The following VWC2L variants were observed in gnomAD, a reference collection of about 807,000 sequenced individuals.
VWC2L encodes the protein von Willebrand factor C domain-containing protein 2-like.
In VWC2L, 10 loss-of-function variants were observed where a neutral mutation model predicts 21.6. The ratio of observed to expected loss-of-function variants is 0.46; its 90% CI spans 0.29 to 0.78. The LOEUF is 0.78. Ranked by LOEUF, VWC2L falls within the 30% of genes least tolerant of loss-of-function variation. The pLI, the probability that VWC2L is intolerant of heterozygous loss-of-function variation, is 0.10. For synonymous variants in VWC2L, 96 were observed against 94.3 expected (o/e 1.02, Z -0.10); for missense variants, 209 against 277.1 (o/e 0.75, Z 1.74).
Position 214,431,255 on chromosome 2 carries a change from A to C in VWC2L, c.391-5374A>C, listed in dbSNP as rs182966498. ...TCTTCCAAATTTTCATACAGTTTGA[A>C]AGTAATGAGATTTGTTCCTTAAAGT... is the stretch of plus-strand genomic sequence containing the variant. On this transcript the variant is annotated intron_variant, in intron 2 of 3. Transcript: ENST00000312504. Among the ~76,000 whole-genome samples, 29 of 152,334 alleles carry C rather than the reference A, an allele frequency of 1.9e-4. No individual in the cohort carries two copies. The East Asian group carries it at 3.7e-3, about 19-fold the overall frequency.
intron 2 of VWC2L, among the ~76,000 whole-genome samples, chr2:214,422,194 C>G (rs1027839277): frequency 6.6e-6 from 1 of 152,018 alleles, no homozygotes; most frequent in Non-Finnish European, 1.5e-5. Flanking sequence ...GGCCTATTTC[C>G]TACATCTTAT....
chr2:214,512,273 A>G (rs1689068092), intron 3 of VWC2L, among the ~76,000 whole-genome samples: 4 of 152,170 alleles, frequency 2.6e-5, no homozygotes, highest in Non-Finnish European at 5.9e-5. Flanking sequence ...TGCTATCATG[A>G]GGTGATCAGA....
intron 3 of VWC2L, among the ~76,000 whole-genome samples, chr2:214,570,382 G>A (rs186079328): frequency 1.2e-4 from 19 of 152,268 alleles, no homozygotes; most frequent in Non-Finnish European, 1.5e-4. Context: ...ATTATTATTC[G>A]AGATAGGGTC....
chr2:214,470,916 C>CAAAAAAAA lies in VWC2L; in HGVS notation c.520+34178_520+34185dup, dbSNP rs56041924. ...TGGGCAACAGAGTGAAACTCCATCT[C>CAAAAAAAA]AAAAAAAAAAAAAAAAAAAAAAAAA... On this transcript the variant is annotated intron_variant, in intron 3 of 3. Transcript: ENST00000312504. 9.8e-4 allele frequency among the ~76,000 whole-genome samples: 50 copies of CAAAAAAAA among 50,806 alleles called. 3 individuals carry two copies. Among genetic ancestry groups the CAAAAAAAA allele is most frequent in the East Asian group, 4.9e-3 (7 of 1,436 alleles). The allele number at this position is 50,806 out of a possible 152,430, so 33.3% of individuals were successfully genotyped here. A position where few individuals can be genotyped will look rare whatever the true frequency, so the allele number is the denominator to read the frequency against.
At chr2:214,546,711 T>C (rs1689712165) in intron 3 of VWC2L, among the ~76,000 whole-genome samples, 1 of 152,158 alleles carries the variant, frequency 6.6e-6, no homozygotes, top group South Asian at 2.1e-4. Flanking sequence ...CCTGAACCTC[T>C]AGTTTTTATA....
chr2:214,421,948 G>T (rs1702448798), intron 2 of VWC2L, among the ~76,000 whole-genome samples: 1 of 118,294 alleles, frequency 8.5e-6, no homozygotes, highest in African/African-American at 3.9e-5. Flanking sequence ...CTGGAGTGCA[G>T]TGGCGCGATC....
chr2:214,436,210 TA>T (rs1702676727), intron 2 of VWC2L: 1 of 163,278 alleles, frequency 6.1e-6, no homozygotes, highest in Admixed American at 5.9e-5. Flanking sequence ...TGTTTCTCAG[TA>T]ATTCTCCTCC....
intron 3 of VWC2L, among the ~76,000 whole-genome samples, chr2:214,496,480 A>G (rs1464439734): frequency 2.6e-5 from 4 of 152,094 alleles, no homozygotes; most frequent in African/African-American, 9.7e-5. Flanking sequence ...AGATCTGTCA[A>G]TCTACAAGGG....
intron 2 of VWC2L, among the ~76,000 whole-genome samples, chr2:214,418,987 G>A (rs1004140724): frequency 1.3e-5 from 2 of 152,152 alleles, no homozygotes; most frequent in African/African-American, 4.8e-5. Context: ...ACCCTATGCA[G>A]TTGCAAATCA....
intron 2 of VWC2L, among the ~76,000 whole-genome samples, chr2:214,425,791 C>G (rs548500438): frequency 6.6e-6 from 1 of 152,220 alleles, no homozygotes; most frequent in East Asian, 1.9e-4. Flanking sequence ...ATCTGACCCT[C>G]AAGGTGCGCC....
At chr2:214,509,681 T>C (rs1689023540) in intron 3 of VWC2L, among the ~76,000 whole-genome samples, 2 of 152,212 alleles carry the variant, frequency 1.3e-5, no homozygotes, top group Non-Finnish European at 1.5e-5. Context: ...TTTTGGGTCC[T>C]GCAGGTCATA....
At chr2:214,482,661 A>G (rs189727685) in intron 3 of VWC2L, among the ~76,000 whole-genome samples, 1 of 148,616 alleles carries the variant, frequency 6.7e-6, no homozygotes, top group African/African-American at 2.5e-5. Context: ...ATATATATAT[A>G]TATTTTTTTT....
intron 3 of VWC2L, among the ~76,000 whole-genome samples, chr2:214,537,584 C>A (rs577195375): frequency 6.6e-6 from 1 of 151,720 alleles, no homozygotes; most frequent in East Asian, 1.9e-4. Flanking sequence ...GAGATGTTGG[C>A]CAAAGGGTAC....
chr2:214,414,334 C>G lies in VWC2L; in HGVS notation c.141C>G (p.Asp47Glu). The G allele has an allele frequency of 6.2e-7, 1 of 1,613,840 alleles. No individual in the cohort carries two copies. The highest frequency in any genetic ancestry group is 8.5e-7 in the Non-Finnish European group (1 of 1,179,834). ...GTAATGACAATCTGATCTTTGATGACTATCGAGGGAAAGGGTGTGTCGATG... is the reference window on the plus strand; with the variant it reads ...GTAATGACAATCTGATCTTTGATGAGTATCGAGGGAAAGGGTGTGTCGATG... ...ISSNDNLIFD[D>E]YRGKGCVDDS... is the part of the protein sequence containing the mutation. The change falls in exon 2 of 4, where the codon GAC becomes GAG. Residue 47 changes from aspartate (D) to glutamate (E), a missense_variant. Asp to Glu is a conservative substitution (Grantham distance 45, BLOSUM62 2). Coordinates refer to ENST00000312504, the MANE Select transcript of VWC2L (RefSeq NM_001080500.4).
rs558795661 is a variant in VWC2L at position 214,412,034 on chromosome 2, A to T, written c.-81+248A>T. 4.4e-3 allele frequency among the ~76,000 whole-genome samples: 645 copies of T among 144,974 alleles called. 3 individuals carry two copies. The highest frequency in any genetic ancestry group is 0.015 in the African/African-American group (543 of 37,172). On this transcript the variant is annotated intron_variant, in intron 1 of 3. Transcript: ENST00000312504. ...AGCTCAATTATGAAGGCTTTTTTTT[A>T]AAAAAAAAATAGCCTAAGAACTTTG...
chr2:214,507,021 C>T (rs1481948352), intron 3 of VWC2L, among the ~76,000 whole-genome samples: 2 of 151,758 alleles, frequency 1.3e-5, no homozygotes, highest in African/African-American at 4.8e-5. Context: ...TTAATTATTA[C>T]AAAATATAGA....
At chr2:214,524,093 A>G (rs1292786528) in intron 3 of VWC2L, among the ~76,000 whole-genome samples, 2 of 152,216 alleles carry the variant, frequency 1.3e-5, no homozygotes, top group Non-Finnish European at 2.9e-5. Flanking sequence ...TTTTAAATAC[A>G]TTGAACCATA....
chr2:214,456,320 G>T (rs1703054947), intron 3 of VWC2L, among the ~76,000 whole-genome samples: 1 of 151,928 alleles, frequency 6.6e-6, no homozygotes, highest in Admixed American at 6.6e-5. Flanking sequence ...TATACCTGTT[G>T]GCTATTGGCA....
chr2:214,546,716 T>G (rs1293272215), intron 3 of VWC2L, among the ~76,000 whole-genome samples: 1 of 152,076 alleles, frequency 6.6e-6, no homozygotes. Flanking sequence ...ACCTCTAGTT[T>G]TTATAGAAAA....
Sources: gnomAD v4.1 joint callset for allele counts (sites outside exome capture counted in the v4.1 genomes callset) on GRCh38, gnomAD v4.1.1 for gene constraint, MANE v1.5 for transcripts, NCBI Gene and HGNC (gene_info 2026-07-23, HGNC 2026-07-21) for gene names.